MADD: variants seen among roughly 807,000 people sequenced by gnomAD.
MADD encodes MAP kinase-activating death domain protein.
MADD carries 109 observed loss-of-function variants against 176.7 expected under a neutral mutation model. The observed-to-expected ratio is 0.62, with a 90% CI of 0.53 to 0.72. The LOEUF (loss-of-function observed/expected upper bound fraction) is 0.72. MADD is among the 30% of genes least tolerant of loss of function. The probability of loss-of-function intolerance (pLI) is 0.00; values close to 1 mark genes in which losing one functional copy is unlikely to be tolerated. For synonymous variants in MADD, 771 were observed against 771.3 expected, an observed-to-expected ratio of 1.00 and a Z score of 0.01; for missense variants, 1,914 against 2,045.5, an observed-to-expected ratio of 0.94 and a Z score of 1.24.
At chr11:47,289,896 T>C (rs759016124) in exon 17 of MADD, 4 of 1,613,896 alleles carry the variant, frequency 2.5e-6, no homozygotes, top group Non-Finnish European at 3.4e-6. Context: ...AAGGAGGTGG[T>C]GCACAGCGTG....
At chr11:47,327,414 C>G (rs1463902929) in intron 31 of MADD, 1 of 985,288 alleles carries the variant, frequency 1.0e-6, no homozygotes, top group Non-Finnish European at 1.2e-6. Flanking sequence ...TGCCCCTCAT[C>G]GCTGCTATGA....
intron 27 of MADD, among the ~76,000 whole-genome samples, chr11:47,318,332 A>G (rs971455228): frequency 1.1e-4 from 17 of 152,158 alleles, no homozygotes; most frequent in African/African-American, 4.1e-4. Flanking sequence ...GTTTTTTTGA[A>G]CAGGTGGTCT....
intron 1 of MADD, among the ~76,000 whole-genome samples, chr11:47,271,740 T>C (rs973836256): frequency 2.9e-4 from 44 of 151,602 alleles, no homozygotes; most frequent in African/African-American, 9.2e-4. Flanking sequence ...TTTTTTTTTT[T>C]CGAATCCCAT....
chr11:47,269,842 A>C (rs1391493493), upstream of MADD: 1 of 152,114 alleles, frequency 6.6e-6, no homozygotes, highest in Non-Finnish European at 1.5e-5. Flanking sequence ...AGGAATCCCC[A>C]TGTCGTCGAA....
exon 9 of MADD, chr11:47,282,496 C>G (rs1438143365): frequency 1.9e-6 from 3 of 1,614,230 alleles, no homozygotes; most frequent in Non-Finnish European, 2.5e-6. Flanking sequence ...TGGCTCCTTT[C>G]TAGCCTCACG....
rs577349535 is a variant in MADD, at chr11:47,299,777, G to A, written c.3642+3722G>A. ...ACTCCTGGGCTCAAGCAGTCCACCC[G>A]CCTTGGCCACCCAAAGTGCTAGGAT... On this transcript the variant is annotated intron_variant, in intron 22 of 32. Coordinates refer to ENST00000402192, the Ensembl canonical transcript of MADD. Among the ~76,000 whole-genome samples the A allele has an allele frequency of 3.9e-5, 6 of 151,944 alleles. No homozygotes were observed. In the East Asian group the frequency reaches 5.8e-4, roughly 15 times the overall value.
chr11:47,304,708 T>A (rs2081194182), intron 22 of MADD, among the ~76,000 whole-genome samples: 1 of 152,214 alleles, frequency 6.6e-6, no homozygotes, highest in Admixed American at 6.5e-5. Context: ...TTAAGATCAT[T>A]ACTTTTAATT....
intron 31 of MADD, chr11:47,327,414 C>T (rs1463902929): frequency 1.3e-5 from 13 of 985,288 alleles, no homozygotes; most frequent in South Asian, 4.7e-5. Flanking sequence ...TGCCCCTCAT[C>T]GCTGCTATGA....
In MADD at chr11:47,281,334, T is replaced by C. The variant is rs1279660109; in HGVS notation, c.1291-241T>C. On this transcript the variant is annotated intron_variant, in intron 7 of 32. Coordinates refer to ENST00000402192, the Ensembl canonical transcript of MADD. ...TGCCTTGAGCTAGGTTGTCTTAAGATGGAGAGCTACATATTTCAAACTGTT... is the reference window on the plus strand; with the variant it reads ...TGCCTTGAGCTAGGTTGTCTTAAGACGGAGAGCTACATATTTCAAACTGTT... 3.3e-5 allele frequency among the ~76,000 whole-genome samples: 5 copies of C among 152,390 alleles called. No homozygotes were observed. The East Asian group carries it at 9.6e-4, about 29-fold the overall frequency.
chr11:47,315,792 T>C (rs1594894753), intron 27 of MADD, among the ~76,000 whole-genome samples: 1 of 151,606 alleles, frequency 6.6e-6, no homozygotes, highest in South Asian at 2.1e-4. Context: ...CAGATTGTTA[T>C]TCAAATAATT....
At chr11:47,312,599 C>T (rs2090362593) in intron 26 of MADD, among the ~76,000 whole-genome samples, 1 of 152,178 alleles carries the variant, frequency 6.6e-6, no homozygotes, top group Non-Finnish European at 1.5e-5. Context: ...CCACGCCCAG[C>T]TAATTTTTGT....
At chr11:47,317,774 CTTT>C (rs11305920) in intron 27 of MADD, among the ~76,000 whole-genome samples, 1 of 145,776 alleles carries the variant, frequency 6.9e-6, no homozygotes. Context: ...TTGTATATAA[CTTT>C]TTTTTTTTTT....
chr11:47,308,073 C>T (rs980939947), intron 22 of MADD, among the ~76,000 whole-genome samples: 10 of 152,234 alleles, frequency 6.6e-5, no homozygotes, highest in Non-Finnish European at 1.5e-4. Flanking sequence ...ATGAACATTT[C>T]TCAGTTACTG....
intron 22 of MADD, among the ~76,000 whole-genome samples, chr11:47,307,141 T>C (rs1187685867): frequency 6.6e-6 from 1 of 152,052 alleles, no homozygotes; most frequent in East Asian, 1.9e-4. Flanking sequence ...CTTGAACTTC[T>C]GGGCTTAAGT....
At chr11:47,305,230 A>T (rs1565472154) in intron 22 of MADD, among the ~76,000 whole-genome samples, 1 of 152,128 alleles carries the variant, frequency 6.6e-6, no homozygotes, top group Non-Finnish European at 1.5e-5. Context: ...ACTGGGTTCC[A>T]GGTACAGATG....
chr11:47,301,447 G>A (rs553574860), intron 22 of MADD, among the ~76,000 whole-genome samples: 1 of 152,008 alleles, frequency 6.6e-6, no homozygotes, highest in African/African-American at 2.4e-5. Context: ...TTTTATTTCT[G>A]CTCTGATCTT....
intron 19 of MADD, 138 bp from the exon 21 acceptor site, chr11:47,292,405 A>G: frequency 6.6e-6 from 5 of 754,546 alleles, no homozygotes; most frequent in South Asian, 2.9e-5. Context: ...TCTCCCCATG[A>G]AGATATCTTT....
At chr11:47,280,586 A>T (rs1490599574) in intron 7 of MADD, among the ~76,000 whole-genome samples, 1 of 152,156 alleles carries the variant, frequency 6.6e-6, no homozygotes, top group African/African-American at 2.4e-5. Flanking sequence ...TTATTTTGAG[A>T]TGGAGTCCCA....
intron 31 of MADD, chr11:47,327,699 C>T (rs1769981496): frequency 2.0e-6 from 2 of 985,452 alleles, no homozygotes; most frequent in Non-Finnish European, 2.4e-6. Context: ...CCTGGGGCTT[C>T]TTGCTCTACC....
Sources: allele counts gnomAD v4.1 joint callset (sites outside exome capture counted in the v4.1 genomes callset), GRCh38; gene constraint gnomAD v4.1.1; transcripts MANE v1.5; gene names NCBI Gene and HGNC (gene_info 2026-07-23, HGNC 2026-07-21).